SDK1: variants seen among roughly 807,000 people sequenced by gnomAD.
SDK1 encodes protein sidekick-1.
In SDK1, 157 loss-of-function variants were observed where a neutral mutation model predicts 245.5. The ratio of observed to expected loss-of-function variants is 0.64; its 90% CI spans 0.56 to 0.73. The LOEUF is 0.73. SDK1 is among the 30% of genes least tolerant of loss of function. SDK1 has a pLI of 0.00. For missense variants in SDK1, 3,583 were observed against 3,002.3 expected, an observed-to-expected ratio of 1.19 and a Z score of -4.52; for synonymous variants, 1,647 against 1,278.5, an observed-to-expected ratio of 1.29 and a Z score of -6.15.
chr7:4,024,804 A>C (rs550516836), intron 17 of SDK1, among the ~76,000 whole-genome samples: 1 of 152,344 alleles, frequency 6.6e-6, no homozygotes, highest in East Asian at 1.9e-4. Context: ...ATCATCTGCC[A>C]TTACTACAGT....
chr7:3,768,819 C>A (rs904337906), intron 4 of SDK1, among the ~76,000 whole-genome samples: 3 of 152,234 alleles, frequency 2.0e-5, no homozygotes, highest in Non-Finnish European at 4.4e-5. Context: ...TCTACCCTCT[C>A]CATGACCCAA....
At chr7:3,764,964 T>A (rs1174478380) in intron 4 of SDK1, among the ~76,000 whole-genome samples, 1 of 152,086 alleles carries the variant, frequency 6.6e-6, no homozygotes, top group Admixed American at 6.5e-5. Context: ...ATATGTAAGG[T>A]TTATTGTCAT....
intron 5 of SDK1, among the ~76,000 whole-genome samples, chr7:3,863,945 C>G (rs62437954): frequency 6.6e-6 from 1 of 152,060 alleles, no homozygotes; most frequent in East Asian, 1.9e-4. Context: ...TGGGTATATA[C>G]CTGGGAGTGG....
chr7:4,149,205 G>A, intron 29 of SDK1, 57 bp from the exon 30 acceptor site: 5 of 1,391,712 alleles, frequency 3.6e-6, no homozygotes, highest in Non-Finnish European at 4.7e-6. Context: ...TCCTGGGGAT[G>A]TTCCTTGGGA....
chr7:3,351,119 G>A lies in SDK1; in HGVS notation c.298+49235G>A, dbSNP rs935703652. ...TTACTGACTAAGCTGCAGCAGTTCT[G>A]AGAGCCTACTGTTGTCATTTTTAAT... is the stretch of plus-strand genomic sequence containing the variant. On this transcript the variant is annotated intron_variant, in intron 1 of 44. Coordinates refer to ENST00000404826, the MANE Select transcript of SDK1 (RefSeq NM_152744.4). 3.9e-5 allele frequency among the ~76,000 whole-genome samples: 6 copies of A among 152,136 alleles called. No homozygotes were observed. In the East Asian group the frequency reaches 1.2e-3, roughly 29 times the overall value.
chr7:4,234,975 G>C (rs56222733), intron 41 of SDK1, among the ~76,000 whole-genome samples: 12,854 of 152,232 alleles, frequency 0.084, 744 homozygotes, highest in Non-Finnish European at 0.13. Context: ...AGAGCTGCTT[G>C]AGCTACTGAC....
intron 13 of SDK1, among the ~76,000 whole-genome samples, chr7:3,982,703 G>T (rs1291741355): frequency 8.5e-5 from 13 of 152,170 alleles, no homozygotes; most frequent in African/African-American, 3.1e-4. Flanking sequence ...AGCCGGGCTT[G>T]GTGGCGGGTG....
At chr7:4,136,084 A>G (rs1779069360) in intron 28 of SDK1, among the ~76,000 whole-genome samples, 1 of 152,154 alleles carries the variant, frequency 6.6e-6, no homozygotes, top group African/African-American at 2.4e-5. Flanking sequence ...AAGTGAGGAG[A>G]AGGATAATCA....
intron 1 of SDK1, among the ~76,000 whole-genome samples, chr7:3,344,813 C>T (rs954490502): frequency 2.6e-5 from 4 of 152,094 alleles, no homozygotes; most frequent in African/African-American, 9.7e-5. Context: ...CGTAAAAGTT[C>T]AGCAGTCCTA....
intron 5 of SDK1, among the ~76,000 whole-genome samples, chr7:3,907,039 C>G (rs997654465): frequency 3.9e-5 from 6 of 152,154 alleles, no homozygotes; most frequent in African/African-American, 1.4e-4. Flanking sequence ...ATCTTACGTC[C>G]TTGTAGCAGG....
At chr7:3,557,370 A>G (rs1334323407) in intron 1 of SDK1, among the ~76,000 whole-genome samples, 1 of 152,194 alleles carries the variant, frequency 6.6e-6, no homozygotes, top group Admixed American at 6.5e-5. Context: ...ACTGCAAACT[A>G]ATACTCAACC....
Position 3,974,430 on chromosome 7 carries a change from G to T in SDK1, c.1879G>T (p.Glu627Ter). 1 of 1,614,158 alleles carries T rather than the reference G, an allele frequency of 6.2e-7. No homozygotes were observed. Among genetic ancestry groups the T allele is most frequent in the Non-Finnish European group, 8.5e-7 (1 of 1,180,020 alleles). ...TPSSTSRIVV[E>*]KDGSLLISQT... is the part of the protein sequence containing the mutation. ...ATCGAGCACGTCTAGGATCGTGGTGGAGAAGGACGGGTCCCTTCTCATCAG... is the reference window on the plus strand; with the variant it reads ...ATCGAGCACGTCTAGGATCGTGGTGTAGAAGGACGGGTCCCTTCTCATCAG... Residue 627 changes from glutamate to a stop codon, truncating the protein, a stop_gained, in exon 13 of 45, where the codon GAG becomes TAG. Transcript: ENST00000404826. LOFTEE classifies it high-confidence loss of function.
intron 22 of SDK1, among the ~76,000 whole-genome samples, chr7:4,102,356 G>A (rs1438163915): frequency 6.6e-6 from 1 of 152,192 alleles, no homozygotes; most frequent in Non-Finnish European, 1.5e-5. Flanking sequence ...GTCTGTGGAA[G>A]TTGCTAGACG....
At chr7:4,227,723 C>A (rs1184358292) in intron 40 of SDK1, among the ~76,000 whole-genome samples, 1 of 152,214 alleles carries the variant, frequency 6.6e-6, no homozygotes, top group Non-Finnish European at 1.5e-5. Flanking sequence ...GGCCCTAATA[C>A]CTGCAGCACG....
chr7:4,096,937 CA>C (rs1430666030), intron 22 of SDK1, among the ~76,000 whole-genome samples: 1 of 152,214 alleles, frequency 6.6e-6, no homozygotes, highest in Non-Finnish European at 1.5e-5. Flanking sequence ...CTCAAACACC[CA>C]CAGTGGCAGT....
At chr7:3,658,476 G>A (rs1783256311) in intron 4 of SDK1, among the ~76,000 whole-genome samples, 2 of 150,988 alleles carry the variant, frequency 1.3e-5, no homozygotes, top group Non-Finnish European at 1.5e-5. Flanking sequence ...TTCATCTCAT[G>A]TAGTCTTTAA....
chr7:4,063,974 T>G (rs998092863), intron 19 of SDK1, among the ~76,000 whole-genome samples: 1 of 152,036 alleles, frequency 6.6e-6, no homozygotes, highest in Non-Finnish European at 1.5e-5. Flanking sequence ...ATTATAAAAC[T>G]ACTAAAATAA....
chr7:3,465,872 G>T (rs1241847152), intron 1 of SDK1, among the ~76,000 whole-genome samples: 1 of 152,166 alleles, frequency 6.6e-6, no homozygotes, highest in Middle Eastern at 3.2e-3. Context: ...ACGTGCAGAG[G>T]ATAAATTCAT....
chr7:4,216,724 C>G (rs909070458), intron 38 of SDK1, among the ~76,000 whole-genome samples: 1 of 152,194 alleles, frequency 6.6e-6, no homozygotes, highest in Non-Finnish European at 1.5e-5. Context: ...TCCACACCTC[C>G]TCACCCAGAA....
Sources: allele counts gnomAD v4.1 joint callset (sites outside exome capture counted in the v4.1 genomes callset), GRCh38; gene constraint gnomAD v4.1.1; transcripts MANE v1.5; gene names NCBI Gene and HGNC (gene_info 2026-07-23, HGNC 2026-07-21).